Variants in SPAG1 observed in about 807,000 individuals in gnomAD.
The protein encoded by SPAG1 is sperm associated antigen 1.
A neutral mutation model predicts 100.5 loss-of-function variants in SPAG1; 69 were observed. That is an observed-to-expected ratio of 0.69 (90% CI 0.57 to 0.84). The LOEUF (loss-of-function observed/expected upper bound fraction) is 0.84. Among genes scored for constraint, SPAG1 ranks in the 40% least tolerant of loss-of-function variants. SPAG1 has a pLI of 0.00. For synonymous variants in SPAG1, 336 were observed against 411.6 expected (o/e 0.82, Z 2.22); for missense variants, 955 against 1,133.1 (o/e 0.84, Z 2.26).
Position 100,194,249 on chromosome 8 carries a change from A to C in SPAG1, c.1077A>C (p.Glu359Asp), listed in dbSNP as rs1816934333. The C allele has an allele frequency of 6.2e-7, 1 of 1,608,114 alleles. No homozygotes were observed. Among genetic ancestry groups the C allele is most frequent in the Non-Finnish European group, 8.5e-7 (1 of 1,174,934 alleles). Residue 359 changes from glutamate (E) to aspartate (D), a missense_variant, in exon 10 of 19, where the codon GAA (glutamate) becomes GAC (aspartate). Glu to Asp is a conservative substitution (Grantham distance 45). Coordinates refer to ENST00000388798, the MANE Select transcript of SPAG1 (RefSeq NM_003114.5). ...DEEGKSGRKH[E>D]DGGGDKKPAE... ...AAGGAAAAAGCGGAAGAAAACATGA[A>C]GATGGCGGTGGAGATAAGAGTAAAA...
chr8:100,197,901 G>A (rs1160689402), intron 10 of SPAG1, among the ~76,000 whole-genome samples: 2 of 152,182 alleles, frequency 1.3e-5, no homozygotes, highest in Non-Finnish European at 2.9e-5. Context: ...CTAAGGGCCA[G>A]TATTAACAAA....
chr8:100,181,936 G>A (rs139325036), intron 4 of SPAG1, among the ~76,000 whole-genome samples: 71 of 152,260 alleles, frequency 4.7e-4, no homozygotes, highest in African/African-American at 1.6e-3. Context: ...GTAGGAAATC[G>A]AGTTCAAGCA....
intron 10 of SPAG1, among the ~76,000 whole-genome samples, chr8:100,197,866 T>C (rs1817099051): frequency 6.6e-6 from 1 of 152,184 alleles, no homozygotes. Flanking sequence ...ATAAGACAAT[T>C]GATAGGCTTT....
chr8:100,231,275 A>C lies in SPAG1; in HGVS notation c.1975A>C (p.Ile659Leu), dbSNP rs780404313. ...CLKINNKECAIYTNRALCYLK... is the reference protein window; with the variant it reads ...CLKINNKECALYTNRALCYLK... The stretch of plus-strand genomic sequence containing the variant: ...AAAGATTAACAATAAGGAATGTGCC[A>C]TATATACAAACAGGCAAGTTCTTTG... The change falls in exon 15 of 19, where the codon ATA (isoleucine) becomes CTA (leucine). Residue 659 changes from isoleucine (I) to leucine (L), a missense_variant. By Grantham distance (5) the Ile-to-Leu change is conservative. Coordinates refer to ENST00000388798, the MANE Select transcript of SPAG1 (RefSeq NM_003114.5). 13 of 1,561,022 alleles carry C rather than the reference A, an allele frequency of 8.3e-6. No homozygotes were observed. The African/African-American group carries it at 1.8e-4, about 21-fold the overall frequency.
rs752455583 is a variant in SPAG1, at chr8:100,241,463, G to A, written c.*441G>A. The A allele has an allele frequency of 2.0e-5, 3 of 152,176 alleles. No individual in the cohort carries two copies. Among genetic ancestry groups the A allele is most frequent in the Non-Finnish European group, 4.4e-5 (3 of 68,128 alleles). The allele number at this position is 152,176 out of a possible 1,614,324, so 9.4% of individuals were successfully genotyped here. ...CTAAGATACACATAAATCCCATTTT[G>A]TACTAGTACCTGTGGATTACAGTCA... On this transcript the variant is annotated 3_prime_UTR_variant, in exon 19 of 19. Transcript: ENST00000388798. This position sits in a 1 kb window ranked among gnomAD's most constrained non-coding sequence, Gnocchi z 5.1.
chr8:100,162,008 G>T (rs1815327708), intron 1 of SPAG1, among the ~76,000 whole-genome samples: 1 of 152,092 alleles, frequency 6.6e-6, no homozygotes, highest in African/African-American at 2.4e-5. Context: ...CACAAAACTA[G>T]CAGGCCAACC....
intron 4 of SPAG1, among the ~76,000 whole-genome samples, chr8:100,178,612 C>G (rs1245130398): frequency 6.6e-6 from 1 of 152,172 alleles, no homozygotes; most frequent in African/African-American, 2.4e-5. Context: ...TCTAGGTTAA[C>G]TCATTCTTGT....
intron 10 of SPAG1, among the ~76,000 whole-genome samples, chr8:100,203,467 G>T (rs974394899): frequency 3.9e-5 from 6 of 152,102 alleles, no homozygotes; most frequent in African/African-American, 7.2e-5. Flanking sequence ...TCTGGAGTTG[G>T]CTACTTAATA....
intron 10 of SPAG1, among the ~76,000 whole-genome samples, chr8:100,209,303 C>CATATAT (rs367809874): frequency 3.4e-5 from 5 of 145,818 alleles, no homozygotes; most frequent in Admixed American, 6.9e-5. Flanking sequence ...CCTTTATATA[C>CATATAT]ATATATATAT....
At chr8:100,207,902 C>G (rs900793139) in intron 10 of SPAG1, among the ~76,000 whole-genome samples, 3 of 152,126 alleles carry the variant, frequency 2.0e-5, no homozygotes, top group Admixed American at 2.0e-4. Flanking sequence ...ACAAAATCAA[C>G]TAGGTGACAA....
rs878867700 is a variant in SPAG1, at chr8:100,213,303, G to C, written c.1310G>C (p.Gly437Ala). The C allele has an allele frequency of 2.4e-6, 3 of 1,235,620 alleles. No homozygotes were observed. The allele number at this position is 1,235,620 out of a possible 1,614,324, so 76.5% of individuals were successfully genotyped here. A position where few individuals can be genotyped will look rare whatever the true frequency, so the allele number is the denominator to read the frequency against. Residue 437 changes from glycine (G) to alanine (A), a missense_variant, in exon 11 of 19, where the codon GGC (glycine) becomes GCC (alanine). By Grantham distance (60) the Gly-to-Ala change is moderately conservative. Coordinates refer to ENST00000388798, the MANE Select transcript of SPAG1 (RefSeq NM_003114.5). Reference protein sequence around the residue: ...AAGGGATGHPGGGQGAENPAG... With the variant: ...AAGGGATGHPAGGQGAENPAG... ...GGCGGCGGCGCCACCGGGCATCCGG[G>C]CGGCGGGCAGGGCGCGGAGAACCCT...
intron 9 of SPAG1, 25 bp downstream of exon 9, chr8:100,191,521 C>A: frequency 1.4e-6 from 2 of 1,462,382 alleles, no homozygotes; most frequent in Non-Finnish European, 1.9e-6. Context: ...TGATTTCTCA[C>A]CTAATTCTGT....
chr8:100,180,808 CTTAGTCCAAATCA>C (rs1816334223), intron 4 of SPAG1, among the ~76,000 whole-genome samples: 2 of 152,166 alleles, frequency 1.3e-5, no homozygotes, highest in African/African-American at 4.8e-5. Flanking sequence ...AGTGCAGGAG[CTTAGTCCAAATCA>C]TTGACCTTCT....
chr8:100,225,446 G>A, intron 14 of SPAG1, 107 bp downstream of exon 14: 1 of 1,014,692 alleles, frequency 9.9e-7, no homozygotes, highest in Admixed American at 2.5e-5. Flanking sequence ...TCAGACCTAG[G>A]TTTAAGTGAA....
Position 100,224,345 on chromosome 8 carries a change from C to G in SPAG1, c.1689-828C>G, listed in dbSNP as rs558443210. On this transcript the variant is annotated intron_variant, in intron 13 of 18. Coordinates refer to ENST00000388798, the MANE Select transcript of SPAG1 (RefSeq NM_003114.5). Reference sequence around the variant, plus strand: ...TCACCTGAGGTCAGGAGTTTGAGACCAGACCGGCCAACATGGCAAAACCCC... The same window carrying G: ...TCACCTGAGGTCAGGAGTTTGAGACGAGACCGGCCAACATGGCAAAACCCC... Among the ~76,000 whole-genome samples, 3 of 152,174 alleles carry G rather than the reference C, an allele frequency of 2.0e-5. No individual in the cohort carries two copies. In the South Asian group the frequency reaches 6.2e-4, roughly 32 times the overall value.
In SPAG1 at chr8:100,237,543, T is replaced by C. The variant is rs183992411; in HGVS notation, c.2116-1697T>C. On this transcript the variant is annotated intron_variant, in intron 16 of 18. Coordinates refer to ENST00000388798, the MANE Select transcript of SPAG1 (RefSeq NM_003114.5). ...TATTCATTTGTTTACAGGTTTTTAA[T>C]TGCTTCCCCTCATAGGACGTAAGCT... Among the ~76,000 whole-genome samples the C allele has an allele frequency of 4.7e-3, 710 of 152,344 alleles. 7 individuals carry two copies. Among genetic ancestry groups the C allele is most frequent in the African/African-American group, 0.016 (654 of 41,574 alleles).
intron 4 of SPAG1, among the ~76,000 whole-genome samples, chr8:100,180,384 T>C (rs996855448): frequency 3.3e-5 from 5 of 152,176 alleles, no homozygotes; most frequent in African/African-American, 1.2e-4. Context: ...ATATTTAGTA[T>C]AATATAACAA....
chr8:100,229,642 T>A (rs770414104), intron 14 of SPAG1, among the ~76,000 whole-genome samples: 1 of 152,112 alleles, frequency 6.6e-6, no homozygotes, highest in Non-Finnish European at 1.5e-5. Flanking sequence ...GTGGTCTGAA[T>A]AGGAGAGGGG....
chr8:100,231,734 T>C (rs1035031545), intron 15 of SPAG1, among the ~76,000 whole-genome samples: 25 of 151,828 alleles, frequency 1.6e-4, no homozygotes, highest in Admixed American at 1.6e-3. Context: ...CCGAGGCGGG[T>C]GGATCACGAG....
Sources: gnomAD v4.1 joint callset for allele counts (sites outside exome capture counted in the v4.1 genomes callset) on GRCh38, gnomAD v4.1.1 for gene constraint, Gnocchi (gnomAD v3.1) non-coding constraint, MANE v1.5 for transcripts, NCBI Gene and HGNC (gene_info 2026-07-23, HGNC 2026-07-21) for gene names.